The following GAB2 variants were observed in gnomAD, a reference collection of about 807,000 sequenced individuals.
GAB2 encodes GRB2-associated-binding protein 2.
In GAB2, 26 loss-of-function variants were observed where a neutral mutation model predicts 65.5. The observed-to-expected ratio is 0.40, with a 90% CI of 0.29 to 0.55. GAB2 has a LOEUF of 0.55. GAB2 is among the 20% of genes least tolerant of loss of function. The pLI is 0.53. For missense variants in GAB2, 884 were observed against 875.8 expected (o/e 1.01, Z -0.12); for synonymous variants, 321 against 329.6 (o/e 0.97, Z 0.28).
intron 1 of GAB2, among the ~76,000 whole-genome samples, chr11:78,341,295 G>C (rs1856090293): frequency 6.6e-6 from 1 of 152,078 alleles, no homozygotes; most frequent in Admixed American, 6.5e-5. Context: ...CTATGCTCTA[G>C]GCATATTGGT....
chr11:78,366,542 C>T (rs1035019168), intron 1 of GAB2, among the ~76,000 whole-genome samples: 1 of 124,674 alleles, frequency 8.0e-6, no homozygotes, highest in Non-Finnish European at 1.6e-5. Flanking sequence ...ACTGAGATCA[C>T]ACCACTGTAT....
intron 1 of GAB2, among the ~76,000 whole-genome samples, chr11:78,357,849 G>A (rs1328708889): frequency 2.0e-5 from 3 of 152,172 alleles, no homozygotes; most frequent in Non-Finnish European, 4.4e-5. Flanking sequence ...TGTTGGTGGG[G>A]CTGTAAACTG....
intron 1 of GAB2, among the ~76,000 whole-genome samples, chr11:78,320,294 C>T (rs1299781359): frequency 6.6e-6 from 1 of 152,180 alleles, no homozygotes; most frequent in African/African-American, 2.4e-5. Context: ...GCCTCAGCCT[C>T]CCAGTAGGTG....
intron 3 of GAB2, among the ~76,000 whole-genome samples, chr11:78,249,432 C>A (rs1179650760): frequency 1.3e-5 from 2 of 152,176 alleles, no homozygotes; most frequent in African/African-American, 2.4e-5. Context: ...TCTGGCAAAG[C>A]CTATCAGCTC....
intron 1 of GAB2, among the ~76,000 whole-genome samples, chr11:78,346,495 T>C (rs1000151432): frequency 6.6e-6 from 1 of 151,808 alleles, no homozygotes; most frequent in African/African-American, 2.4e-5. Context: ...GCTAGCTATG[T>C]AAATACTGGA....
chr11:78,403,767 C>T (rs544599603), intron 1 of GAB2, among the ~76,000 whole-genome samples: 2 of 152,262 alleles, frequency 1.3e-5, no homozygotes, highest in South Asian at 2.1e-4. Flanking sequence ...AGCTTTGACA[C>T]AGCAAAGGAA....
chr11:78,297,549 AG>A (rs1866868564), intron 1 of GAB2, among the ~76,000 whole-genome samples: 1 of 152,022 alleles, frequency 6.6e-6, no homozygotes, highest in African/African-American at 2.4e-5. Flanking sequence ...CACCCAGGGG[AG>A]TAGCTCAGGC....
intron 3 of GAB2, among the ~76,000 whole-genome samples, chr11:78,244,610 G>A (rs1865242216): frequency 1.5e-5 from 2 of 130,872 alleles, no homozygotes; most frequent in Admixed American, 1.7e-4. Flanking sequence ...AGGCAAATTA[G>A]CTGAAAATAG....
chr11:78,228,470 G>A (rs919918766), intron 3 of GAB2, among the ~76,000 whole-genome samples: 2 of 152,186 alleles, frequency 1.3e-5, no homozygotes, highest in Non-Finnish European at 2.9e-5. Context: ...TGTTGGGGCT[G>A]TAATACATAA....
intron 1 of GAB2, among the ~76,000 whole-genome samples, chr11:78,347,280 G>A (rs1288555950): frequency 6.6e-6 from 1 of 152,094 alleles, no homozygotes; most frequent in Non-Finnish European, 1.5e-5. Flanking sequence ...ATAAGGTTGG[G>A]TTTGGAGATA....
At chr11:78,379,963 T>C (rs1856677105) in intron 1 of GAB2, among the ~76,000 whole-genome samples, 1 of 152,244 alleles carries the variant, frequency 6.6e-6, no homozygotes, top group African/African-American at 2.4e-5. Flanking sequence ...CTTGATGGCA[T>C]GCAGGGCAGT....
intron 1 of GAB2, among the ~76,000 whole-genome samples, chr11:78,382,283 A>G (rs762215793): frequency 6.6e-6 from 1 of 152,034 alleles, no homozygotes; most frequent in Non-Finnish European, 1.5e-5. Flanking sequence ...GGACTGTATC[A>G]TTTACATCCC....
rs770369313 is a variant in GAB2 at position 78,219,318 on chromosome 11, G to T, written c.1985C>A (p.Thr662Lys). The change falls in exon 10 of 10, where the codon ACA becomes AAA. Residue 662 changes from threonine (T) to lysine (K), a missense_variant. Coordinates refer to ENST00000361507, the MANE Select transcript of GAB2 (RefSeq NM_080491.3). ...AGGCTCTGAGGACTGCCGCACGTCT[G>T]TCCACTCCTGCATGGTGTTCTGCAG... ...QALQNTMQEW[T>K]DVRQSSEPSK... The T allele has an allele frequency of 6.2e-7, 1 of 1,613,842 alleles. No individual in the cohort carries two copies. Among genetic ancestry groups the T allele is most frequent in the Non-Finnish European group, 8.5e-7 (1 of 1,179,988 alleles).
chr11:78,225,316 C>A (rs1864599957), intron 4 of GAB2, 114 bp from the exon 5 acceptor site: 1 of 657,474 alleles, frequency 1.5e-6, no homozygotes, highest in Non-Finnish European at 2.7e-6. Flanking sequence ...AGATACTACT[C>A]TCAACCCCAA....
chr11:78,277,608 G>T (rs1419264543), intron 2 of GAB2, among the ~76,000 whole-genome samples: 1 of 152,212 alleles, frequency 6.6e-6, no homozygotes, highest in African/African-American at 2.4e-5. Context: ...AGGAACACTT[G>T]GCTGGTAAAA....
At chr11:78,266,164 A>C (rs1865867266) in intron 2 of GAB2, among the ~76,000 whole-genome samples, 1 of 144,582 alleles carries the variant, frequency 6.9e-6, no homozygotes, top group Admixed American at 7.3e-5. Flanking sequence ...GCAGTGAGCC[A>C]AGATTACACC....
At chr11:78,367,546 A>G (rs1237093798) in intron 1 of GAB2, among the ~76,000 whole-genome samples, 2 of 152,360 alleles carry the variant, frequency 1.3e-5, no homozygotes, top group East Asian at 3.9e-4. Context: ...TTAACAATCT[A>G]CGACTAATTA....
At chr11:78,300,818 C>T (rs1224071929) in intron 1 of GAB2, among the ~76,000 whole-genome samples, 1 of 151,626 alleles carries the variant, frequency 6.6e-6, no homozygotes, top group Non-Finnish European at 1.5e-5. Context: ...CCTCAGCCTC[C>T]CAAGTAGCTG....
intron 2 of GAB2, among the ~76,000 whole-genome samples, chr11:78,256,561 G>A (rs1231321972): frequency 1.3e-5 from 2 of 152,364 alleles, no homozygotes; most frequent in African/African-American, 2.4e-5. Flanking sequence ...GCACGGGACA[G>A]AAGTCAAGAG....
Sources: gnomAD v4.1 joint callset for allele counts (sites outside exome capture counted in the v4.1 genomes callset) on GRCh38, gnomAD v4.1.1 for gene constraint, MANE v1.5 for transcripts, NCBI Gene and HGNC (gene_info 2026-07-23, HGNC 2026-07-21) for gene names.